The following DGLUCY variants were observed in gnomAD, a reference collection of about 807,000 sequenced individuals.
DGLUCY encodes the protein D-glutamate cyclase, mitochondrial.
DGLUCY carries 58 observed loss-of-function variants against 58.5 expected under a neutral mutation model. The ratio of observed to expected loss-of-function variants is 0.99; its 90% CI spans 0.80 to 1.23. DGLUCY has a LOEUF of 1.23. DGLUCY is among the 50% of genes most tolerant of loss of function. The pLI is 0.00. For missense variants in DGLUCY, 779 were observed against 784.7 expected, an observed-to-expected ratio of 0.99 and a Z score of 0.09; for synonymous variants, 325 against 314.1, an observed-to-expected ratio of 1.03 and a Z score of -0.37.
chr14:91,074,114 TATATACACACACAC>T (rs2043970936), intron 1 of DGLUCY, among the ~76,000 whole-genome samples: 1 of 64,460 alleles, frequency 1.6e-5, no homozygotes, highest in Non-Finnish European at 3.1e-5. Context: ...AATATATATA[TATATACACACACAC>T]ACACACACAC....
intron 1 of DGLUCY, among the ~76,000 whole-genome samples, chr14:91,150,218 CAAAAAAAAA>C (rs71120121): frequency 1.5e-5 from 1 of 64,732 alleles, no homozygotes; most frequent in Non-Finnish European, 2.8e-5. Context: ...GACTCCATCT[CAAAAAAAAA>C]AAAAAAAAAA....
intron 1 of DGLUCY, among the ~76,000 whole-genome samples, chr14:91,122,395 C>T (rs1156588022): frequency 2.0e-5 from 3 of 152,010 alleles, no homozygotes; most frequent in Non-Finnish European, 4.4e-5. Flanking sequence ...TCAGTCAATC[C>T]TCCCGCCTTG....
intron 3 of DGLUCY, among the ~76,000 whole-genome samples, chr14:91,164,493 A>G (rs2048167044): frequency 6.6e-6 from 1 of 152,166 alleles, no homozygotes; most frequent in African/African-American, 2.4e-5. Flanking sequence ...AAGGCTTTCC[A>G]GTTATTTGAA....
intron 1 of DGLUCY, among the ~76,000 whole-genome samples, chr14:91,155,243 T>TGTGGG: frequency 6.6e-6 from 1 of 152,322 alleles, no homozygotes; most frequent in South Asian, 2.1e-4. Context: ...GCTGTGACTG[T>TGTGGG]CTTATTCACC....
At chr14:91,185,300 T>TTTTTTG (rs2049442640) in intron 8 of DGLUCY, among the ~76,000 whole-genome samples, 2 of 113,796 alleles carry the variant, frequency 1.8e-5, no homozygotes, top group African/African-American at 3.0e-5. Flanking sequence ...TTTTTTTTTT[T>TTTTTTG]GAGACAGGTT....
intron 12 of DGLUCY, among the ~76,000 whole-genome samples, chr14:91,210,459 G>A (rs1449437289): frequency 6.6e-6 from 1 of 152,032 alleles, no homozygotes; most frequent in African/African-American, 2.4e-5. Flanking sequence ...TTGAGTTTAG[G>A]AGTTGGAGGC....
chr14:91,118,237 C>G (rs2045122119), intron 1 of DGLUCY, among the ~76,000 whole-genome samples: 1 of 151,932 alleles, frequency 6.6e-6, no homozygotes, highest in South Asian at 2.1e-4. Context: ...CCACCACCCC[C>G]ACCACGCCTG....
Position 91,181,314 on chromosome 14 carries a change from C to T in DGLUCY, c.859C>T (p.Leu287=). The T allele has an allele frequency of 6.2e-7, 1 of 1,614,224 alleles. No homozygotes were observed. ...GGTCCATCACATTTCCCAAGATCCT[C>T]TGCACTACAGCATCGCGTCAGTCTC... ...PEVHHISQDP[L]HYSIASVSAS... Residue 287 remains leucine, a synonymous_variant, in exon 8 of 14, where the codon CTG becomes TTG. Coordinates refer to ENST00000256324, the MANE Select transcript of DGLUCY (RefSeq NM_001102368.3).
rs761149159 is a variant in DGLUCY at position 91,196,373 on chromosome 14, A to G, written c.1196-2A>G. The G allele has an allele frequency of 1.9e-6, 3 of 1,613,756 alleles. No individual in the cohort carries two copies. The highest frequency in any genetic ancestry group is 3.3e-5 in the Admixed American group (2 of 59,992). ...TGTGCCCTGCTTGCCTTTATTTTCA[A>G]GGTGTTCTGAAGACGCAGATCCCGA... On this transcript the variant is annotated splice_acceptor_variant, in intron 9 of 13. Coordinates refer to ENST00000256324, the MANE Select transcript of DGLUCY (RefSeq NM_001102368.3). LOFTEE classifies it high-confidence loss of function.
chr14:91,163,083 C>A (rs1194430545), intron 3 of DGLUCY, among the ~76,000 whole-genome samples: 1 of 151,984 alleles, frequency 6.6e-6, no homozygotes, highest in African/African-American at 2.4e-5. Flanking sequence ...CATGGTGAAA[C>A]CCTGTCTCTA....
At chr14:91,203,396 C>A (rs943165202) in intron 11 of DGLUCY, among the ~76,000 whole-genome samples, 1 of 152,240 alleles carries the variant, frequency 6.6e-6, no homozygotes, top group Non-Finnish European at 1.5e-5. Flanking sequence ...TGACAGAATT[C>A]TTCCGCATCT....
chr14:91,071,320 G>C (rs2043913252), intron 1 of DGLUCY, among the ~76,000 whole-genome samples: 2 of 135,520 alleles, frequency 1.5e-5, no homozygotes, highest in African/African-American at 5.5e-5. Flanking sequence ...CTGGGCAACA[G>C]AGCGAGATTC....
At chr14:91,125,323 C>T (rs189846134) in intron 1 of DGLUCY, among the ~76,000 whole-genome samples, 25 of 152,306 alleles carry the variant, frequency 1.6e-4, no homozygotes, top group African/African-American at 5.8e-4. Flanking sequence ...GCAGACTCTG[C>T]CCTCTGGAAT....
chr14:91,200,891 T>C (rs1474330680), intron 11 of DGLUCY, among the ~76,000 whole-genome samples: 1 of 151,386 alleles, frequency 6.6e-6, no homozygotes, highest in East Asian at 1.9e-4. Context: ...AGGTTTGGGA[T>C]AGGTGGTGGA....
chr14:91,191,418 C>A (rs965857835), intron 9 of DGLUCY, among the ~76,000 whole-genome samples: 1 of 152,080 alleles, frequency 6.6e-6, no homozygotes. Flanking sequence ...TGCTACTGAA[C>A]GATACACTTG....
intron 1 of DGLUCY, among the ~76,000 whole-genome samples, chr14:91,126,971 A>C (rs6575180): frequency 0.87 from 130,862 of 151,152 alleles, 56,921 homozygotes; most frequent in East Asian, 1. Flanking sequence ...CAGAAATGCA[A>C]CACCCCAGTG....
At chr14:91,186,037 T>C (rs1413599591) in intron 8 of DGLUCY, among the ~76,000 whole-genome samples, 1 of 152,180 alleles carries the variant, frequency 6.6e-6, no homozygotes, top group Non-Finnish European at 1.5e-5. Flanking sequence ...TGAGAGGATG[T>C]TGGCTTGCAT....
At chr14:91,197,022 A>C (rs1007750970) in intron 10 of DGLUCY, among the ~76,000 whole-genome samples, 2 of 152,156 alleles carry the variant, frequency 1.3e-5, no homozygotes, top group African/African-American at 4.8e-5. Context: ...GCTGGGGTGC[A>C]GTGGCGCGAT....
chr14:91,069,137 C>T (rs1470361064), intron 1 of DGLUCY, among the ~76,000 whole-genome samples: 1 of 152,118 alleles, frequency 6.6e-6, no homozygotes, highest in Non-Finnish European at 1.5e-5. Flanking sequence ...TGGTTTGGTG[C>T]CAGTAGTCTT....
Sources: gnomAD v4.1 joint callset for allele counts (sites outside exome capture counted in the v4.1 genomes callset) on GRCh38, gnomAD v4.1.1 for gene constraint, MANE v1.5 for transcripts, NCBI Gene and HGNC (gene_info 2026-07-23, HGNC 2026-07-21) for gene names.